FRY: variants seen among roughly 807,000 people sequenced by gnomAD.
The protein encoded by FRY is FRY microtubule binding protein.
A neutral mutation model predicts 348.4 loss-of-function variants in FRY; 128 were observed. The ratio of observed to expected loss-of-function variants is 0.37; its 90% CI spans 0.32 to 0.43. FRY has a LOEUF of 0.43. FRY is among the 20% of genes least tolerant of loss of function. The pLI is 1.00. For synonymous variants in FRY, 1,370 were observed against 1,374.7 expected, an observed-to-expected ratio of 1.00 and a Z score of 0.08; for missense variants, 2,736 against 3,695.2, an observed-to-expected ratio of 0.74 and a Z score of 6.73.
chr13:32,166,699 C>T (rs1179868586), intron 17 of FRY, among the ~76,000 whole-genome samples: 1 of 152,188 alleles, frequency 6.6e-6, no homozygotes, highest in Non-Finnish European at 1.5e-5. Context: ...GGGACAGACA[C>T]AGGGAGGGAG....
intron 35 of FRY, among the ~76,000 whole-genome samples, chr13:32,215,724 C>T (rs575830851): frequency 6.6e-6 from 1 of 152,212 alleles, no homozygotes; most frequent in East Asian, 1.9e-4. Context: ...CATGTGTCAC[C>T]ACACCTAGCT....
In FRY at chr13:32,255,374, A is replaced by G. The variant is rs563715179; in HGVS notation, c.7416+980A>G. ...ACAGGCTTGTGGGAAATGATGCTTC[A>G]AGTAGCTGCTTACCTTCCCTAAAAG... On this transcript the variant is annotated intron_variant, in intron 51 of 60. Transcript: ENST00000542859. 1.2e-3 allele frequency among the ~76,000 whole-genome samples: 187 copies of G among 152,306 alleles called. 1 individual carries two copies. The highest frequency in any genetic ancestry group is 4.2e-3 in the African/African-American group (176 of 41,570).
intron 50 of FRY, among the ~76,000 whole-genome samples, chr13:32,252,779 AC>A (rs1887147180): frequency 6.6e-6 from 1 of 152,240 alleles, no homozygotes; most frequent in Admixed American, 6.5e-5. Context: ...TTGCTAAAGT[AC>A]AAAGTGATAT....
At chr13:32,195,586 T>C (rs1883627019) in intron 29 of FRY, among the ~76,000 whole-genome samples, 1 of 152,236 alleles carries the variant, frequency 6.6e-6, no homozygotes, top group Non-Finnish European at 1.5e-5. Context: ...TCAAATTTAT[T>C]GCATTGCATG....
chr13:32,124,800 T>C lies in FRY; in HGVS notation c.641T>C (p.Leu214Pro), dbSNP rs375760346. Reference protein sequence around the residue: ...FKHFKYKEGYLGPNTGNMHIV... With the variant: ...FKHFKYKEGYPGPNTGNMHIV... ...TCTAATTATACCCTACTTAGGTACC[T>C]TGGTCCCAACACTGGCAATATGCAT... The change falls in exon 7 of 61, where the codon CTT becomes CCT. Residue 214 changes from leucine to proline, a missense_variant. Leu to Pro is a moderately conservative substitution (Grantham distance 98). Coordinates refer to ENST00000542859, the MANE Select transcript of FRY (RefSeq NM_023037.3). 1 of 1,610,548 alleles carries C rather than the reference T, an allele frequency of 6.2e-7. No homozygotes were observed. Among genetic ancestry groups the C allele is most frequent in the Non-Finnish European group, 8.5e-7 (1 of 1,176,652 alleles).
At chr13:32,211,795 C>T (rs2138363479) in intron 34 of FRY, among the ~76,000 whole-genome samples, 1 of 152,318 alleles carries the variant, frequency 6.6e-6, no homozygotes, top group East Asian at 1.9e-4. Flanking sequence ...TGACCTCATG[C>T]AGTAACTGCC....
chr13:32,049,548 C>G (rs948918576), intron 1 of FRY, among the ~76,000 whole-genome samples: 15 of 152,178 alleles, frequency 9.9e-5, no homozygotes. Context: ...CATTCTCCTG[C>G]CTCAGCCTCC....
chr13:32,113,414 T>C (rs1312748012), intron 3 of FRY, among the ~76,000 whole-genome samples: 1 of 152,244 alleles, frequency 6.6e-6, no homozygotes, highest in Non-Finnish European at 1.5e-5. Context: ...GAAAAATCAA[T>C]GTCTTAGCTG....
intron 48 of FRY, 143 bp from the exon 49 acceptor site, chr13:32,249,383 G>A (rs1188057495): frequency 1.2e-6 from 1 of 831,338 alleles, no homozygotes; most frequent in Non-Finnish European, 2.0e-6. Context: ...TGCATGTTGA[G>A]AAAATGAGCC....
At chr13:32,057,856 A>C (rs1873724464) in intron 1 of FRY, among the ~76,000 whole-genome samples, 1 of 152,158 alleles carries the variant, frequency 6.6e-6, no homozygotes, top group Non-Finnish European at 1.5e-5. Context: ...GCTACTCGGG[A>C]GACTGAGGCA....
chr13:32,215,323 A>G (rs894578104), intron 35 of FRY, among the ~76,000 whole-genome samples: 5 of 152,198 alleles, frequency 3.3e-5, no homozygotes, highest in Admixed American at 2.6e-4. Context: ...AAGATGATGG[A>G]TATCCCAATT....
chr13:32,193,622 G>A lies in FRY; in HGVS notation c.3592-521G>A, dbSNP rs144312555. ...TTTTTTTGAGACCTAGTCTCACTCT[G>A]TCACCCAGCCTGGAGTGCAATGGCA... On this transcript the variant is annotated intron_variant, in intron 28 of 60. Transcript: ENST00000542859. 1.2e-3 allele frequency among the ~76,000 whole-genome samples: 149 copies of A among 129,426 alleles called. 1 individual carries two copies. The highest frequency in any genetic ancestry group is 1.6e-3 in the South Asian group (7 of 4,278). The allele number at this position is 129,426 out of a possible 152,430, so 84.9% of individuals were successfully genotyped here. A position where few individuals can be genotyped will look rare whatever the true frequency, so the allele number is the denominator to read the frequency against.
chr13:32,110,344 C>T (rs1029348237), intron 3 of FRY, among the ~76,000 whole-genome samples: 3 of 152,124 alleles, frequency 2.0e-5, no homozygotes, highest in African/African-American at 7.2e-5. Context: ...GTTGTACAGA[C>T]ATCTTTTTAC....
intron 36 of FRY, among the ~76,000 whole-genome samples, chr13:32,219,445 A>T (rs1341877251): frequency 6.8e-6 from 1 of 147,222 alleles, no homozygotes; most frequent in Non-Finnish European, 1.5e-5. Context: ...AAATACACTA[A>T]GTCATAGTCC....
chr13:32,211,091 T>C, intron 34 of FRY, 57 bp downstream of exon 34: 2 of 1,472,224 alleles, frequency 1.4e-6, no homozygotes, highest in South Asian at 1.1e-5. Flanking sequence ...TTCCTTCATG[T>C]AGATTCCTGA....
chr13:32,087,204 C>CT (rs1315872008), intron 2 of FRY, among the ~76,000 whole-genome samples: 1 of 152,198 alleles, frequency 6.6e-6, no homozygotes, highest in Non-Finnish European at 1.5e-5. Flanking sequence ...ATATGTCATG[C>CT]TTAAGAACAA....
At chr13:32,180,220 A>G (rs1882616007) in intron 23 of FRY, among the ~76,000 whole-genome samples, 1 of 151,876 alleles carries the variant, frequency 6.6e-6, no homozygotes, top group South Asian at 2.1e-4. Context: ...CCATTGGTTG[A>G]TCTTTCTATT....
Position 32,171,012 on chromosome 13 carries a change from G to T in FRY, c.1893G>T (p.Arg631Ser), listed in dbSNP as rs752491460. Reference sequence around the variant, plus strand: ...TTATTTTCCTTTATTCGTTTCACAGGCTCTCTATTCATATGGATGATGAAT... The same window carrying T: ...TTATTTTCCTTTATTCGTTTCACAGTCTCTCTATTCATATGGATGATGAAT... The part of the protein sequence containing the change: ...SKLELIDLLA[R>S]LSIHMDDELR... The change falls in exon 18 of 61, where the codon AGG (arginine) becomes AGT (serine). Residue 631 changes from arginine to serine, a missense_variant and splice_region_variant. This residue lies in a region of FRY where 191 missense variants were observed against 370.2 expected (regional missense o/e 0.52). Coordinates refer to ENST00000542859, the MANE Select transcript of FRY (RefSeq NM_023037.3). 1 of 1,601,304 alleles carries T rather than the reference G, an allele frequency of 6.2e-7. No homozygotes were observed. Among genetic ancestry groups the T allele is most frequent in the Non-Finnish European group, 8.6e-7 (1 of 1,168,474 alleles).
Position 32,139,375 on chromosome 13 carries a change from A to T in FRY, c.1179+2403A>T, listed in dbSNP as rs78037089. Among the ~76,000 whole-genome samples the T allele has an allele frequency of 5.8e-3, 879 of 152,272 alleles. 7 individuals are homozygous for T. Among genetic ancestry groups the T allele is most frequent in the African/African-American group, 0.02 (832 of 41,554 alleles). ...CTTCCTTACCCCTCCCCAGCCACAG[A>T]TGCTTCAGGATAGTGAACTTCGCAC... is the stretch of plus-strand genomic sequence containing the variant. On this transcript the variant is annotated intron_variant, in intron 11 of 60. Coordinates refer to ENST00000542859, the MANE Select transcript of FRY (RefSeq NM_023037.3).
Sources: gnomAD v4.1 joint callset for allele counts (sites outside exome capture counted in the v4.1 genomes callset) on GRCh38, gnomAD v4.1.1 for gene constraint, gnomAD v4.1.1 regional missense constraint, MANE v1.5 for transcripts, NCBI Gene and HGNC (gene_info 2026-07-23, HGNC 2026-07-21) for gene names.